Variants in SPI1 observed in about 807,000 individuals in gnomAD.
SPI1 encodes the protein Spi-1 proto-oncogene.
SPI1 carries 3 observed loss-of-function variants against 30.7 expected under a neutral mutation model. That is an observed-to-expected ratio of 0.10 (90% CI 0.04 to 0.25). The LOEUF (loss-of-function observed/expected upper bound fraction) is 0.25. Among genes scored for constraint, SPI1 ranks in the 10% least tolerant of loss-of-function variants. The probability of loss-of-function intolerance (pLI) is 1.00; values close to 1 mark genes in which losing one functional copy is unlikely to be tolerated. For synonymous variants in SPI1, 169 were observed against 157.1 expected (o/e 1.08, Z -0.56); for missense variants, 261 against 371.5 (o/e 0.70, Z 2.45).
intron 4 of SPI1, among the ~76,000 whole-genome samples, chr11:47,356,130 A>C (rs1418911533): frequency 1.3e-5 from 2 of 150,378 alleles, no homozygotes; most frequent in African/African-American, 4.9e-5. Flanking sequence ...ACACCCACCC[A>C]CTTGCACATT....
At chr11:47,358,091 T>C in intron 4 of SPI1, 2 of 182,934 alleles carry the variant, frequency 1.1e-5, no homozygotes, top group Non-Finnish European at 2.3e-5. Context: ...ACATACATGC[T>C]CACACACCCC....
At chr11:47,362,193 C>T (rs528219845) in intron 2 of SPI1, among the ~76,000 whole-genome samples, 1 of 152,282 alleles carries the variant, frequency 6.6e-6, no homozygotes, top group African/African-American at 2.4e-5. Flanking sequence ...AGTGCTTAGA[C>T]TAGAACTTGG....
chr11:47,363,384 G>C (rs2095923683), intron 2 of SPI1, among the ~76,000 whole-genome samples: 1 of 152,038 alleles, frequency 6.6e-6, no homozygotes, highest in South Asian at 2.1e-4. Context: ...AGCTGGGTGT[G>C]ATGGCAGGCG....
chr11:47,367,139 ATT>A (rs2095929450), intron 2 of SPI1, among the ~76,000 whole-genome samples: 1 of 152,224 alleles, frequency 6.6e-6, no homozygotes, highest in African/African-American at 2.4e-5. Context: ...GTGTGAATAA[ATT>A]AATGAATGTG....
At chr11:47,367,748 A>ATTTTTTTTTT (rs1173025260) in intron 2 of SPI1, among the ~76,000 whole-genome samples, 1 of 64,754 alleles carries the variant, frequency 1.5e-5, no homozygotes, top group Non-Finnish European at 2.6e-5. Flanking sequence ...TGATGGTTAA[A>ATTTTTTTTTT]TTTTTTTTTT....
intron 2 of SPI1, among the ~76,000 whole-genome samples, chr11:47,372,971 T>G (rs1247489679): frequency 6.6e-6 from 1 of 152,128 alleles, no homozygotes; most frequent in African/African-American, 2.4e-5. Context: ...CCTAAAAATG[T>G]GGACAAAGAG....
At chr11:47,376,152 G>A (rs1016730361) in intron 1 of SPI1, among the ~76,000 whole-genome samples, 2 of 151,926 alleles carry the variant, frequency 1.3e-5, no homozygotes, top group South Asian at 4.2e-4. Context: ...CCCCATGCAG[G>A]CGCCTGCACA....
Position 47,378,457 on chromosome 11 carries a change from G to A in SPI1, c.-104C>T. The A allele has an allele frequency of 6.0e-6, 8 of 1,324,490 alleles. No homozygotes were observed. The South Asian group carries it at 7.5e-5, about 12-fold the overall frequency. The allele number at this position is 1,324,490 out of a possible 1,614,324, so 82.0% of individuals were successfully genotyped here. A position where few individuals can be genotyped will look rare whatever the true frequency, so the allele number is the denominator to read the frequency against. ...CAGGGGCTGGACGGTCGTGGGGCGG[G>A]TGCAGGGCTCAGGCCTGCCCCCTGA... On this transcript the variant is annotated 5_prime_UTR_variant, in exon 1 of 5. Transcript: ENST00000378538.
rs2095941483 is a variant in SPI1 at position 47,375,763 on chromosome 11, T to C, written c.46-34A>G. ...AGAGGAGGTGTCAGGGCCTGCACCA[T>C]GGTGGGAGACCCCAGCCAGGCCTGC... On this transcript the variant is annotated intron_variant, in intron 1 of 4. Coordinates refer to ENST00000378538, the MANE Select transcript of SPI1 (RefSeq NM_003120.3). This position sits in a 1 kb window ranked among gnomAD's most constrained non-coding sequence, Gnocchi z 4.2. 6.4e-7 allele frequency: 1 copy of C among 1,567,450 alleles called. No individual in the cohort carries two copies. The highest frequency in any genetic ancestry group is 8.8e-7 in the Non-Finnish European group (1 of 1,138,402).
At chr11:47,356,205 A>G (rs1389706081) in intron 4 of SPI1, among the ~76,000 whole-genome samples, 1 of 149,046 alleles carries the variant, frequency 6.7e-6, no homozygotes, top group Non-Finnish European at 1.5e-5. Context: ...ACCAGCTCAC[A>G]CTCACACACA....
intron 2 of SPI1, among the ~76,000 whole-genome samples, chr11:47,368,677 T>TA (rs1354840444): frequency 6.6e-6 from 1 of 152,078 alleles, no homozygotes; most frequent in East Asian, 1.9e-4. Flanking sequence ...AAAGAACAAA[T>TA]ACTGTGTGAA....
chr11:47,376,260 A>T (rs1457879767), intron 1 of SPI1, among the ~76,000 whole-genome samples: 1 of 151,824 alleles, frequency 6.6e-6, no homozygotes, highest in Non-Finnish European at 1.5e-5. Flanking sequence ...AGTCTCCTTG[A>T]TTGACACTCA....
intron 1 of SPI1, among the ~76,000 whole-genome samples, chr11:47,377,053 G>A (rs112120033): frequency 0.021 from 3,123 of 152,296 alleles, 124 homozygotes; most frequent in African/African-American, 0.071. Context: ...CGCCCACTTC[G>A]TGTTCCCAGG....
At chr11:47,368,880 C>T (rs1453786285) in intron 2 of SPI1, among the ~76,000 whole-genome samples, 2 of 152,138 alleles carry the variant, frequency 1.3e-5, no homozygotes, top group Non-Finnish European at 2.9e-5. Context: ...CAGAACTATA[C>T]ACTTAAAATG....
chr11:47,356,708 C>G (rs995545157), intron 4 of SPI1, among the ~76,000 whole-genome samples: 13 of 152,034 alleles, frequency 8.6e-5, no homozygotes, highest in African/African-American at 3.1e-4. Flanking sequence ...CACACATGCC[C>G]CTGCTCACAC....
intron 2 of SPI1, among the ~76,000 whole-genome samples, chr11:47,361,537 C>T (rs991070187): frequency 4.6e-5 from 7 of 152,138 alleles, no homozygotes; most frequent in African/African-American, 1.2e-4. Context: ...CACACATCTG[C>T]GGGACTTCCT....
At chr11:47,371,474 C>G (rs1001229647) in intron 2 of SPI1, among the ~76,000 whole-genome samples, 1 of 55,836 alleles carries the variant, frequency 1.8e-5, no homozygotes, top group African/African-American at 6.9e-5. Flanking sequence ...TGAGACCAGC[C>G]TGGCCAACAT....
chr11:47,370,709 T>A (rs919330616), intron 2 of SPI1, among the ~76,000 whole-genome samples: 24 of 152,000 alleles, frequency 1.6e-4, no homozygotes, highest in African/African-American at 5.6e-4. Flanking sequence ...CATAAAAAAA[T>A]AATAATAATT....
At chr11:47,377,425 C>G (rs561126405) in intron 1 of SPI1, among the ~76,000 whole-genome samples, 2 of 152,078 alleles carry the variant, frequency 1.3e-5, no homozygotes, top group East Asian at 1.9e-4. Flanking sequence ...GGGTCCTTTC[C>G]GAGGGACCCT....
Sources: allele counts gnomAD v4.1 joint callset (sites outside exome capture counted in the v4.1 genomes callset), GRCh38; gene constraint gnomAD v4.1.1; non-coding constraint Gnocchi (gnomAD v3.1); transcripts MANE v1.5; gene names NCBI Gene and HGNC (gene_info 2026-07-23, HGNC 2026-07-21).